RAB28: variants seen among roughly 807,000 people sequenced by gnomAD.
RAB28 encodes the protein ras-related protein Rab-28.
In RAB28, 24 loss-of-function variants were observed where a neutral mutation model predicts 31.7. The observed-to-expected ratio is 0.76, with a 90% CI of 0.55 to 1.06. The LOEUF (loss-of-function observed/expected upper bound fraction) is 1.06. RAB28 is among the 50% of genes least tolerant of loss of function. RAB28 has a pLI of 0.00. For missense variants in RAB28, 254 were observed against 258.5 expected (o/e 0.98, Z 0.12); for synonymous variants, 100 against 90.4 (o/e 1.11, Z -0.60).
chr4:13,475,473 T>G (rs1024667181), intron 2 of RAB28, among the ~76,000 whole-genome samples: 5 of 151,562 alleles, frequency 3.3e-5, no homozygotes, highest in African/African-American at 1.2e-4. Context: ...TAAGCCAACA[T>G]AAAATACTAA....
At chr4:13,391,695 C>T (rs1729635983) in intron 4 of RAB28, among the ~76,000 whole-genome samples, 2 of 152,086 alleles carry the variant, frequency 1.3e-5, no homozygotes, top group Admixed American at 1.3e-4. Flanking sequence ...GAAAATGTGG[C>T]ACATATACAA....
At chr4:13,425,495 A>G (rs577367906) in intron 4 of RAB28, among the ~76,000 whole-genome samples, 1 of 152,302 alleles carries the variant, frequency 6.6e-6, no homozygotes, top group South Asian at 2.1e-4. Flanking sequence ...GGTATATTCA[A>G]TCTAGCATCA....
chr4:13,424,270 G>A (rs1713347670), intron 4 of RAB28, among the ~76,000 whole-genome samples: 1 of 152,052 alleles, frequency 6.6e-6, no homozygotes, highest in Non-Finnish European at 1.5e-5. Flanking sequence ...ATGTTGACAG[G>A]GCCAAGTGCC....
In RAB28 at chr4:13,471,674, T is replaced by C. The variant is rs1716128701; in HGVS notation, c.261+2644A>G. Among the ~76,000 whole-genome samples, 3 of 151,978 alleles carry C rather than the reference T, an allele frequency of 2.0e-5. No homozygotes were observed. In the South Asian group the frequency reaches 6.2e-4, roughly 32 times the overall value. On this transcript the variant is annotated intron_variant, in intron 3 of 6. Coordinates refer to ENST00000330852, the MANE Select transcript of RAB28 (RefSeq NM_001017979.3). ...CTGCCACCATGACCTATCATCTATT[T>C]TTGACAATTCATTTCATCATCTCAG... is the stretch of plus-strand genomic sequence containing the variant.
chr4:13,479,086 A>G (rs1399191450), intron 2 of RAB28, among the ~76,000 whole-genome samples: 1 of 151,710 alleles, frequency 6.6e-6, no homozygotes, highest in Non-Finnish European at 1.5e-5. Context: ...ATCCTTCCCA[A>G]TCTTTTCACA....
intron 6 of RAB28, chr4:13,371,709 C>T (rs926222087): frequency 3.3e-6 from 5 of 1,529,836 alleles, no homozygotes; most frequent in Admixed American, 2.1e-5. Flanking sequence ...TCATAAACTT[C>T]ATGGTAGGTG....
At chr4:13,393,870 A>C (rs1469562735) in intron 4 of RAB28, among the ~76,000 whole-genome samples, 1 of 151,846 alleles carries the variant, frequency 6.6e-6, no homozygotes, top group Non-Finnish European at 1.5e-5. Flanking sequence ...AAAAAAAAAA[A>C]AAAACAGTAC....
chr4:13,407,113 T>C (rs1295735669), intron 4 of RAB28, among the ~76,000 whole-genome samples: 1 of 152,208 alleles, frequency 6.6e-6, no homozygotes, highest in Non-Finnish European at 1.5e-5. Context: ...TTGCCTAGGT[T>C]TTCTTCTAGG....
intron 4 of RAB28, among the ~76,000 whole-genome samples, chr4:13,405,435 T>A (rs191646816): frequency 1.1e-3 from 168 of 152,122 alleles, no homozygotes; most frequent in Non-Finnish European, 2.1e-3. Context: ...GATAATATAC[T>A]TGAAAACTAC....
At chr4:13,460,566 C>A in intron 4 of RAB28, 133 bp downstream of exon 4, 1 of 1,146,624 alleles carries the variant, frequency 8.7e-7, no homozygotes, top group Non-Finnish European at 1.3e-6. Context: ...CCTCCCAAAA[C>A]CCCACCTCCA....
intron 2 of RAB28, among the ~76,000 whole-genome samples, chr4:13,475,023 G>A (rs997364114): frequency 6.6e-6 from 1 of 151,566 alleles, no homozygotes; most frequent in East Asian, 1.9e-4. Flanking sequence ...CAGAACAAAC[G>A]TAGGATACAT....
At chr4:13,375,503 G>A (rs1214545893) in intron 6 of RAB28, among the ~76,000 whole-genome samples, 3 of 152,106 alleles carry the variant, frequency 2.0e-5, no homozygotes, top group Non-Finnish European at 4.4e-5. Flanking sequence ...TCCAAGGTCT[G>A]TGTGATCAAG....
intron 4 of RAB28, among the ~76,000 whole-genome samples, chr4:13,449,738 A>G (rs1412239022): frequency 6.6e-6 from 1 of 151,962 alleles, no homozygotes; most frequent in Non-Finnish European, 1.5e-5. Flanking sequence ...CTTTAAGAGT[A>G]GAAATCATTC....
chr4:13,431,400 G>A lies in RAB28; in HGVS notation c.391+29299C>T, dbSNP rs986620273. ...CCAAGACCTTGGTGCACGCCCTCACGATTTTCTCACCAACCCCATCAGGGT... is the reference window on the plus strand; with the variant it reads ...CCAAGACCTTGGTGCACGCCCTCACAATTTTCTCACCAACCCCATCAGGGT... On this transcript the variant is annotated intron_variant, in intron 4 of 6. Coordinates refer to ENST00000330852, the MANE Select transcript of RAB28 (RefSeq NM_001017979.3). 2.6e-5 allele frequency among the ~76,000 whole-genome samples: 4 copies of A among 152,096 alleles called. No homozygotes were observed. In the South Asian group the frequency reaches 8.3e-4, roughly 32 times the overall value.
At chr4:13,375,738 A>G (rs563322206) in intron 6 of RAB28, among the ~76,000 whole-genome samples, 158 of 152,100 alleles carry the variant, frequency 1.0e-3, no homozygotes, top group Middle Eastern at 3.4e-3. Context: ...TCAGTGTAAC[A>G]ATTTCAAATA....
chr4:13,428,375 CCA>C (rs1713627360), intron 4 of RAB28, among the ~76,000 whole-genome samples: 1 of 152,112 alleles, frequency 6.6e-6, no homozygotes. Context: ...AGAAGAAAAT[CCA>C]GTCCTGAAGA....
intron 2 of RAB28, among the ~76,000 whole-genome samples, chr4:13,476,979 C>A (rs1716390099): frequency 1.3e-5 from 2 of 151,250 alleles, no homozygotes; most frequent in African/African-American, 4.8e-5. Context: ...ACACTTGGTG[C>A]CTTGGTTAAC....
At chr4:13,374,151 G>A (rs1390539342) in intron 6 of RAB28, among the ~76,000 whole-genome samples, 3 of 152,036 alleles carry the variant, frequency 2.0e-5, no homozygotes, top group Non-Finnish European at 4.4e-5. Context: ...AAAGAATTTT[G>A]ACAAACATAT....
intron 4 of RAB28, among the ~76,000 whole-genome samples, chr4:13,387,596 T>C (rs947795502): frequency 2.6e-5 from 4 of 152,142 alleles, no homozygotes; most frequent in Non-Finnish European, 4.4e-5. Flanking sequence ...TGTGGAGGTT[T>C]GCTACACATT....
Sources: allele counts gnomAD v4.1 joint callset (sites outside exome capture counted in the v4.1 genomes callset), GRCh38; gene constraint gnomAD v4.1.1; transcripts MANE v1.5; gene names NCBI Gene and HGNC (gene_info 2026-07-23, HGNC 2026-07-21).